CAST: variants seen among roughly 807,000 people sequenced by gnomAD.
CAST encodes MIR583 host.
Under a neutral mutation model 119.6 loss-of-function variants are expected in CAST, and 76 were observed. That is an observed-to-expected ratio of 0.64 (90% CI 0.53 to 0.77). The LOEUF (loss-of-function observed/expected upper bound fraction) is 0.77. Among genes scored for constraint, CAST ranks in the 30% least tolerant of loss-of-function variants. The pLI is 0.00. For synonymous variants in CAST, 319 were observed against 331.6 expected, an observed-to-expected ratio of 0.96 and a Z score of 0.41; for missense variants, 953 against 946.5, an observed-to-expected ratio of 1.01 and a Z score of -0.09.
chr5:96,602,503 G>A (rs1747173682), intron 1 of CAST, among the ~76,000 whole-genome samples: 1 of 152,190 alleles, frequency 6.6e-6, no homozygotes, highest in Non-Finnish European at 1.5e-5. Context: ...TGTAATCCCA[G>A]CACTTTGGGA....
At chr5:96,460,621 T>G in the CAST span, among the ~76,000 whole-genome samples, 4 of 151,204 alleles carry the variant, frequency 2.6e-5, no homozygotes, top group African/African-American at 7.3e-5. Flanking sequence ...AAAAGTGACA[T>G]TCGATAGCTC....
chr5:96,228,999 C>T, the CAST span, among the ~76,000 whole-genome samples: 2 of 151,130 alleles, frequency 1.3e-5, no homozygotes, highest in African/African-American at 4.9e-5. Context: ...ATTGGTTTTC[C>T]TCTACCTTTA....
upstream of CAST, among the ~76,000 whole-genome samples, chr5:96,659,244 C>A (rs1367139527): frequency 6.6e-6 from 1 of 152,198 alleles, no homozygotes; most frequent in Non-Finnish European, 1.5e-5. Flanking sequence ...GAGGTGAACA[C>A]ACATGCTGTT....
the CAST span, among the ~76,000 whole-genome samples, chr5:96,134,175 A>C: frequency 1.1e-4 from 16 of 152,354 alleles, no homozygotes; most frequent in Admixed American, 2.6e-4. Flanking sequence ...AGGTTACCCC[A>C]AATGTGCTCA....
At chr5:96,401,086 C>CAAAAA in the CAST span, among the ~76,000 whole-genome samples, 13 of 70,572 alleles carry the variant, frequency 1.8e-4, 1 homozygote, top group East Asian at 3.7e-3. Context: ...GACTCCGTCT[C>CAAAAA]AAAAAAAAAA....
chr5:96,460,272 C>A, the CAST span, among the ~76,000 whole-genome samples: 1 of 151,778 alleles, frequency 6.6e-6, no homozygotes, highest in African/African-American at 2.4e-5. Context: ...CACTTGAGAC[C>A]GTGGAGAACA....
At chr5:96,109,256 C>T in the CAST span, among the ~76,000 whole-genome samples, 6 of 152,146 alleles carry the variant, frequency 3.9e-5, no homozygotes, top group Non-Finnish European at 5.9e-5. Flanking sequence ...TCCCAACATG[C>T]TTTCTATCAG....
chr5:96,491,490 C>CAAAAAAAAAAAAAAAAAA, the CAST span, among the ~76,000 whole-genome samples: 3 of 56,792 alleles, frequency 5.3e-5, no homozygotes, highest in Non-Finnish European at 1.1e-4. Flanking sequence ...GACTCCATCT[C>CAAAAAAAAAAAAAAAAAA]AAAAAAAAAA....
At chr5:96,092,045 A>G in the CAST span, among the ~76,000 whole-genome samples, 1 of 152,182 alleles carries the variant, frequency 6.6e-6, no homozygotes, top group Non-Finnish European at 1.5e-5. Flanking sequence ...GTGATGAATG[A>G]ATGAATGAAA....
chr5:96,410,840 G>A, the CAST span: 41 of 1,613,988 alleles, frequency 2.5e-5, no homozygotes, highest in South Asian at 7.7e-5. Flanking sequence ...ACTTCTCAGC[G>A]TACCAGGGGG....
At chr5:96,699,669 A>G (rs1753662146) in intron 3 of CAST, among the ~76,000 whole-genome samples, 1 of 152,180 alleles carries the variant, frequency 6.6e-6, no homozygotes, top group African/African-American at 2.4e-5. Context: ...CTGATTGGCC[A>G]GTGTAAATCA....
chr5:96,432,372 C>T, the CAST span, among the ~76,000 whole-genome samples: 18 of 152,310 alleles, frequency 1.2e-4, no homozygotes, highest in Admixed American at 9.2e-4. Context: ...GCTGCCAGGG[C>T]GGACAGCCCC....
chr5:96,394,893 C>T, the CAST span: 2 of 1,614,158 alleles, frequency 1.2e-6, no homozygotes, highest in Non-Finnish European at 1.7e-6. Context: ...TTCTCCACCC[C>T]TCTTCTGTCA....
chr5:96,312,037 G>A, the CAST span, among the ~76,000 whole-genome samples: 4 of 151,814 alleles, frequency 2.6e-5, no homozygotes, highest in Non-Finnish European at 5.9e-5. Flanking sequence ...ATGGTTTTCT[G>A]TAGTAATATG....
chr5:96,618,704 C>G (rs1007695657), intron 1 of CAST, among the ~76,000 whole-genome samples: 6 of 151,658 alleles, frequency 4.0e-5, no homozygotes, highest in African/African-American at 1.2e-4. Context: ...ACTGACGCCA[C>G]CCTCAAATAG....
At chr5:96,101,723 C>A in the CAST span, among the ~76,000 whole-genome samples, 2 of 152,172 alleles carry the variant, frequency 1.3e-5, no homozygotes, top group African/African-American at 4.8e-5. Flanking sequence ...AAGGTGGAAA[C>A]ATCACTTGAG....
At chr5:95,962,819 G>A in the CAST span, among the ~76,000 whole-genome samples, 1 of 152,148 alleles carries the variant, frequency 6.6e-6, no homozygotes, top group Admixed American at 6.5e-5. Context: ...TTTGAGTATT[G>A]TCCTTTTTAT....
the CAST span, among the ~76,000 whole-genome samples, chr5:96,478,489 T>C: frequency 6.6e-6 from 1 of 152,376 alleles, no homozygotes; most frequent in Middle Eastern, 3.4e-3. Context: ...CTTGTTTTTC[T>C]GTGCTGTCAC....
chr5:96,440,729 A>G, the CAST span, among the ~76,000 whole-genome samples: 5 of 152,198 alleles, frequency 3.3e-5, no homozygotes, highest in African/African-American at 1.2e-4. Context: ...AAAGCTAGGA[A>G]AGAAATAGGT....
Sources: allele counts gnomAD v4.1 joint callset (sites outside exome capture counted in the v4.1 genomes callset), GRCh38; gene constraint gnomAD v4.1.1; transcripts MANE v1.5; gene names NCBI Gene and HGNC (gene_info 2026-07-23, HGNC 2026-07-21).